NRXN3: variants seen among roughly 807,000 people sequenced by gnomAD.
NRXN3 encodes the protein neurexin III.
NRXN3 carries 32 observed loss-of-function variants against 137.6 expected under a neutral mutation model. The observed-to-expected ratio is 0.23, with a 90% CI of 0.18 to 0.31. NRXN3 has a LOEUF of 0.31. NRXN3 is among the 10% of genes least tolerant of loss of function. NRXN3 has a pLI of 1.00. For synonymous variants in NRXN3, 798 were observed against 784.5 expected, an observed-to-expected ratio of 1.02 and a Z score of -0.29; for missense variants, 1,574 against 2,062.5, an observed-to-expected ratio of 0.76 and a Z score of 4.59.
At chr14:79,599,609 A>G (rs1469104336) in intron 16 of NRXN3, among the ~76,000 whole-genome samples, 2 of 152,246 alleles carry the variant, frequency 1.3e-5, no homozygotes, top group East Asian at 3.8e-4. Context: ...AACAATAATA[A>G]CAACAATAAT....
intron 19 of NRXN3, among the ~76,000 whole-genome samples, chr14:79,727,613 A>AG (rs2098898972): frequency 6.6e-6 from 1 of 152,170 alleles, no homozygotes; most frequent in African/African-American, 2.4e-5. Flanking sequence ...GTTAAAAAAA[A>AG]AAATTGGCCA....
chr14:79,237,309 G>C (rs1230551457), intron 15 of NRXN3, among the ~76,000 whole-genome samples: 1 of 152,146 alleles, frequency 6.6e-6, no homozygotes, highest in Non-Finnish European at 1.5e-5. Flanking sequence ...GCTAGCTATA[G>C]TGATACATTT....
At chr14:78,360,403 A>G (rs977002860) in intron 4 of NRXN3, among the ~76,000 whole-genome samples, 6 of 152,194 alleles carry the variant, frequency 3.9e-5, no homozygotes, top group African/African-American at 1.4e-4. Context: ...CACTTGTAAG[A>G]CTTGCTTTTA....
intron 10 of NRXN3, among the ~76,000 whole-genome samples, chr14:78,812,319 T>G (rs2098916545): frequency 6.6e-6 from 1 of 152,222 alleles, no homozygotes; most frequent in African/African-American, 2.4e-5. Context: ...TCAAAAAATT[T>G]TAATGGCATT....
intron 4 of NRXN3, among the ~76,000 whole-genome samples, chr14:78,583,991 G>A (rs529643721): frequency 1.7e-4 from 26 of 152,292 alleles, no homozygotes; most frequent in African/African-American, 6.0e-4. Flanking sequence ...ATCCAGTTCA[G>A]TAATCCGGTA....
intron 17 of NRXN3, among the ~76,000 whole-genome samples, chr14:79,665,617 G>A (rs1048919885): frequency 1.3e-5 from 2 of 152,092 alleles, no homozygotes; most frequent in South Asian, 2.1e-4. Flanking sequence ...TGTTGCTGAA[G>A]GGTTTGTTGT....
At chr14:79,021,552 C>A (rs544507099) in intron 15 of NRXN3, among the ~76,000 whole-genome samples, 1 of 152,228 alleles carries the variant, frequency 6.6e-6, no homozygotes, top group East Asian at 1.9e-4. Context: ...TTCAGGGGAT[C>A]TATGGATGAG....
At chr14:79,540,154 C>T (rs60042400) in intron 16 of NRXN3, among the ~76,000 whole-genome samples, 6,240 of 147,752 alleles carry the variant, frequency 0.042, 413 homozygotes, top group African/African-American at 0.15. Flanking sequence ...GTAAAAGATG[C>T]CTTAAAAAGA....
At chr14:78,510,573 C>T (rs185833531) in intron 4 of NRXN3, among the ~76,000 whole-genome samples, 12 of 152,290 alleles carry the variant, frequency 7.9e-5, no homozygotes, top group Admixed American at 7.2e-4. Context: ...AAATAACTCA[C>T]ACATGTAAAT....
intron 15 of NRXN3, among the ~76,000 whole-genome samples, chr14:79,103,115 G>A (rs1048301115): frequency 1.4e-4 from 21 of 152,156 alleles, no homozygotes; most frequent in African/African-American, 5.1e-4. Flanking sequence ...GTTCTTCTCT[G>A]TACACCTTGC....
At chr14:79,460,546 T>C (rs547222236) in intron 15 of NRXN3, among the ~76,000 whole-genome samples, 1 of 152,338 alleles carries the variant, frequency 6.6e-6, no homozygotes, top group Middle Eastern at 3.4e-3. Flanking sequence ...GATTTAATGC[T>C]AAACTAAACT....
At chr14:78,982,853 A>C (rs2099492891) in intron 14 of NRXN3, among the ~76,000 whole-genome samples, 1 of 152,212 alleles carries the variant, frequency 6.6e-6, no homozygotes, top group Admixed American at 6.5e-5. Flanking sequence ...GAAGTAACCC[A>C]TAGATTGGGA....
rs75378403 is a variant in NRXN3, at chr14:78,825,383, C to T, written c.2275+15039C>T. Among the ~76,000 whole-genome samples the T allele has an allele frequency of 3.0e-3, 453 of 152,170 alleles. 1 individual carries two copies. Among genetic ancestry groups the T allele is most frequent in the African/African-American group, 0.011 (439 of 41,520 alleles). ...TGCGTGATAGAAAGAATGGAACCTTCAGGTCCAGTTAAACCTGCTCTGCTA... is the reference window on the plus strand; with the variant it reads ...TGCGTGATAGAAAGAATGGAACCTTTAGGTCCAGTTAAACCTGCTCTGCTA... On this transcript the variant is annotated intron_variant, in intron 10 of 20. Coordinates refer to ENST00000335750, the MANE Select transcript of NRXN3 (RefSeq NM_001330195.2).
chr14:79,656,952 G>A lies in NRXN3; in HGVS notation c.3445-6826G>A, dbSNP rs192789829. On this transcript the variant is annotated intron_variant, in intron 16 of 20. Transcript: ENST00000335750. The stretch of plus-strand genomic sequence containing the variant: ...TGACCTTGACTGGGAGACAGTCGTT[G>A]TAAATAGAGCAGTATCCTATAGGGA... Among the ~76,000 whole-genome samples, 214 of 152,230 alleles carry A rather than the reference G, an allele frequency of 1.4e-3. 1 individual carries two copies. The highest frequency in any genetic ancestry group is 2.3e-3 in the Non-Finnish European group (156 of 67,996).
chr14:78,479,069 A>AGG (rs1250563689), intron 4 of NRXN3, among the ~76,000 whole-genome samples: 1 of 152,250 alleles, frequency 6.6e-6, no homozygotes, highest in Admixed American at 6.5e-5. Flanking sequence ...TATGTAAGTT[A>AGG]GGGTGTGACT....
intron 4 of NRXN3, among the ~76,000 whole-genome samples, chr14:78,383,164 T>A (rs1332522524): frequency 6.6e-6 from 1 of 152,166 alleles, no homozygotes; most frequent in African/African-American, 2.4e-5. Flanking sequence ...GTGTCTGGTA[T>A]CTGAGGGTAG....
chr14:79,729,015 A>G (rs1385794133), intron 19 of NRXN3, among the ~76,000 whole-genome samples: 1 of 152,188 alleles, frequency 6.6e-6, no homozygotes, highest in Non-Finnish European at 1.5e-5. Context: ...TGAGGGTCAC[A>G]GCTTATTTCA....
At chr14:79,721,892 G>A (rs182276176) in intron 19 of NRXN3, among the ~76,000 whole-genome samples, 1 of 152,158 alleles carries the variant, frequency 6.6e-6, no homozygotes, top group East Asian at 1.9e-4. Flanking sequence ...CTTGTTGCCA[G>A]GAAGCAGATC....
rs1035612 is a variant in NRXN3, at chr14:78,725,928, T to A, written c.2044+10789T>A. ...ATAAGATATGTGCTATTTTCATTCTTAATTTATATCTGAGGAATTGGGGTT... is the reference window on the plus strand; with the variant it reads ...ATAAGATATGTGCTATTTTCATTCTAAATTTATATCTGAGGAATTGGGGTT... On this transcript the variant is annotated intron_variant, in intron 8 of 20. Coordinates refer to ENST00000335750, the MANE Select transcript of NRXN3 (RefSeq NM_001330195.2). Among the ~76,000 whole-genome samples, 1,634 of 152,314 alleles carry A rather than the reference T, an allele frequency of 0.011. 87 individuals carry two copies. In the East Asian group the frequency reaches 0.18, roughly 16 times the overall value.
Sources: gnomAD v4.1 joint callset for allele counts (sites outside exome capture counted in the v4.1 genomes callset) on GRCh38, gnomAD v4.1.1 for gene constraint, MANE v1.5 for transcripts, NCBI Gene and HGNC (gene_info 2026-07-23, HGNC 2026-07-21) for gene names.